FBXW7: variants seen among roughly 807,000 people sequenced by gnomAD.
FBXW7 encodes F-box and WD repeat domain containing 7.
A neutral mutation model predicts 86.3 loss-of-function variants in FBXW7; 11 were observed. The ratio of observed to expected loss-of-function variants is 0.13; its 90% CI spans 0.08 to 0.21. The LOEUF (loss-of-function observed/expected upper bound fraction) is 0.21. Ranked by LOEUF, FBXW7 falls within the 10% of genes least tolerant of loss-of-function variation. The pLI, the probability that FBXW7 is intolerant of heterozygous loss-of-function variation, is 1.00. For synonymous variants in FBXW7, 313 were observed against 297.9 expected (o/e 1.05, Z -0.52); for missense variants, 488 against 847.4 (o/e 0.58, Z 5.27).
intron 2 of FBXW7, among the ~76,000 whole-genome samples, chr4:152,517,776 T>C (rs1337880507): frequency 2.0e-5 from 3 of 152,234 alleles, no homozygotes; most frequent in Non-Finnish European, 4.4e-5. Context: ...ATTATTTGTA[T>C]AGTGGTGCCA....
At chr4:152,402,327 T>C (rs993581877) in intron 4 of FBXW7, among the ~76,000 whole-genome samples, 1 of 152,122 alleles carries the variant, frequency 6.6e-6, no homozygotes, top group African/African-American at 2.4e-5. Flanking sequence ...TAAATATTAT[T>C]AGGCAATAAA....
At chr4:152,450,072 T>A (rs527685775) in intron 2 of FBXW7, among the ~76,000 whole-genome samples, 1 of 152,320 alleles carries the variant, frequency 6.6e-6, no homozygotes, top group East Asian at 1.9e-4. Flanking sequence ...CTCAATTTCT[T>A]CCCTGGTTTA....
At position 152,516,203 on chromosome 4, in the gene FBXW7, G is replaced by T. The variant is rs527952303; in HGVS notation, c.-120+18738C>A. Among the ~76,000 whole-genome samples, 4 of 152,338 alleles carry T rather than the reference G, an allele frequency of 2.6e-5. No homozygotes were observed. The South Asian group carries it at 6.2e-4, about 24-fold the overall frequency. ...TAAGCTGCTAAATTTGTGTTAATTTGCTGTAGAGCAGGGGTCCACAACTGG... is the reference window on the plus strand; with the variant it reads ...TAAGCTGCTAAATTTGTGTTAATTTTCTGTAGAGCAGGGGTCCACAACTGG... On this transcript the variant is annotated intron_variant, in intron 2 of 13. Coordinates refer to ENST00000281708, the MANE Select transcript of FBXW7 (RefSeq NM_001349798.2).
chr4:152,473,281 T>G (rs574628384), intron 2 of FBXW7, among the ~76,000 whole-genome samples: 1 of 152,326 alleles, frequency 6.6e-6, no homozygotes, highest in Admixed American at 6.5e-5. Flanking sequence ...AATGCTTTCC[T>G]AGACAGACTC....
At chr4:152,351,399 C>T (rs529228318) in intron 4 of FBXW7, among the ~76,000 whole-genome samples, 1 of 152,124 alleles carries the variant, frequency 6.6e-6, no homozygotes, top group Admixed American at 6.5e-5. Flanking sequence ...TCATGCCATA[C>T]CTACTGGAAA....
At chr4:152,360,769 T>C (rs186420465) in intron 4 of FBXW7, among the ~76,000 whole-genome samples, 2 of 151,634 alleles carry the variant, frequency 1.3e-5, no homozygotes, top group East Asian at 3.9e-4. Context: ...AACAAGCATA[T>C]ATTTTATGTG....
Position 152,535,690 on chromosome 4 carries a change from G to C in FBXW7, c.-776C>G, listed in dbSNP as rs1750485026. The C allele has an allele frequency of 7.6e-6, 3 of 395,690 alleles. No individual in the cohort carries two copies. The allele number at this position is 395,690 out of a possible 1,614,324, so 24.5% of individuals were successfully genotyped here. On this transcript the variant is annotated 5_prime_UTR_variant, in exon 1 of 14. Transcript: ENST00000281708. ...CCCCTCCCTACACCTTGGGGGTCTCGCCCCACGCCCCACGGGACGAGGCAG... is the reference window on the plus strand; with the variant it reads ...CCCCTCCCTACACCTTGGGGGTCTCCCCCCACGCCCCACGGGACGAGGCAG...
chr4:152,366,033 A>G (rs28405517), intron 4 of FBXW7, among the ~76,000 whole-genome samples: 49 of 152,326 alleles, frequency 3.2e-4, no homozygotes, highest in African/African-American at 9.9e-4. Context: ...CAACAATGGT[A>G]GAGCTACAGA....
At chr4:152,392,349 G>C (rs535133239) in intron 4 of FBXW7, among the ~76,000 whole-genome samples, 1 of 152,224 alleles carries the variant, frequency 6.6e-6, no homozygotes, top group East Asian at 1.9e-4. Flanking sequence ...TTGCTTGCTG[G>C]AACACTCACT....
chr4:152,420,033 G>A (rs1027604428), intron 2 of FBXW7, among the ~76,000 whole-genome samples: 15 of 152,118 alleles, frequency 9.9e-5, no homozygotes, highest in African/African-American at 3.6e-4. Context: ...AAGACACTAG[G>A]CTATGTGACA....
At chr4:152,516,155 C>T (rs1748469126) in intron 2 of FBXW7, among the ~76,000 whole-genome samples, 1 of 152,230 alleles carries the variant, frequency 6.6e-6, no homozygotes, top group Admixed American at 6.5e-5. Flanking sequence ...TACCCAAATT[C>T]CTGACCAATA....
intron 2 of FBXW7, among the ~76,000 whole-genome samples, chr4:152,456,015 T>A (rs763522530): frequency 6.6e-6 from 1 of 151,960 alleles, no homozygotes; most frequent in Admixed American, 6.6e-5. Flanking sequence ...TTATTTGGCC[T>A]GCCAAAATAC....
chr4:152,514,309 G>C (rs918585266), intron 2 of FBXW7, among the ~76,000 whole-genome samples: 2 of 152,092 alleles, frequency 1.3e-5, no homozygotes, highest in African/African-American at 2.4e-5. Context: ...TCCTGCACCT[G>C]AAAACACTAT....
rs925258853 is a variant in FBXW7 at position 152,535,856 on chromosome 4, C to A, written c.-942G>T. On this transcript the variant is annotated 5_prime_UTR_variant, in exon 1 of 14. Transcript: ENST00000281708. Reference sequence around the variant, plus strand: ...GCTCTGGCTCCGGCTCCGGCGTGTGCAGCCGCCGCTGCCGGCCGGGAAGGT... The same window carrying A: ...GCTCTGGCTCCGGCTCCGGCGTGTGAAGCCGCCGCTGCCGGCCGGGAAGGT... The A allele has an allele frequency of 2.6e-6, 1 of 384,728 alleles. No homozygotes were observed. Among genetic ancestry groups the A allele is most frequent in the Admixed American group, 4.5e-5 (1 of 22,138 alleles). 23.8% of individuals were successfully genotyped at this position (384,728 alleles called of 1,614,324 possible).
intron 2 of FBXW7, among the ~76,000 whole-genome samples, chr4:152,445,668 G>A (rs1399711180): frequency 1.3e-5 from 2 of 152,096 alleles, no homozygotes. Context: ...AACACCTTGG[G>A]AGGCCAAGCG....
intron 8 of FBXW7, among the ~76,000 whole-genome samples, chr4:152,331,657 TGGTA>T (rs1578892278): frequency 1.3e-5 from 2 of 152,022 alleles, no homozygotes; most frequent in East Asian, 3.8e-4. Flanking sequence ...TGAACACAGA[TGGTA>T]GTTGCAAAAC....
At chr4:152,369,696 A>T (rs1733836469) in intron 4 of FBXW7, among the ~76,000 whole-genome samples, 1 of 152,062 alleles carries the variant, frequency 6.6e-6, no homozygotes, top group Non-Finnish European at 1.5e-5. Context: ...TGTAAAAATT[A>T]TCATAAACAT....
Position 152,429,441 on chromosome 4 carries a change from T to C in FBXW7, c.-119-16912A>G, listed in dbSNP as rs1216984984. Among the ~76,000 whole-genome samples the C allele has an allele frequency of 2.0e-5, 3 of 152,088 alleles. No individual in the cohort carries two copies. In the East Asian group the frequency reaches 5.8e-4, roughly 29 times the overall value. On this transcript the variant is annotated intron_variant, in intron 2 of 13. Coordinates refer to ENST00000281708, the MANE Select transcript of FBXW7 (RefSeq NM_001349798.2). ...CCTGATGATTGAAGGAAAAGCAATG[T>C]GTAGGAGGTCTGAGAAAGAGAGAGT...
chr4:152,490,049 AT>A (rs1302931087), intron 2 of FBXW7, among the ~76,000 whole-genome samples: 7 of 152,140 alleles, frequency 4.6e-5, no homozygotes, highest in Non-Finnish European at 1.0e-4. Context: ...AACTTTGAAA[AT>A]ATTATGCCAA....
Sources: gnomAD v4.1 joint callset for allele counts (sites outside exome capture counted in the v4.1 genomes callset) on GRCh38, gnomAD v4.1.1 for gene constraint, MANE v1.5 for transcripts, NCBI Gene and HGNC (gene_info 2026-07-23, HGNC 2026-07-21) for gene names.